Variants in SPATA13 observed in about 807,000 individuals in gnomAD.
The protein encoded by SPATA13 is spermatogenesis-associated protein 13.
In SPATA13, 50 loss-of-function variants were observed where a neutral mutation model predicts 104.0. The ratio of observed to expected loss-of-function variants is 0.48; its 90% CI spans 0.38 to 0.61. The LOEUF (loss-of-function observed/expected upper bound fraction) is 0.61, where lower values mean the gene tolerates loss of function less well. Among genes scored for constraint, SPATA13 ranks in the 20% least tolerant of loss-of-function variants. The probability of loss-of-function intolerance (pLI) is 0.00; values close to 1 mark genes in which losing one functional copy is unlikely to be tolerated. For synonymous variants in SPATA13, 606 were observed against 667.5 expected, an observed-to-expected ratio of 0.91 and a Z score of 1.42; for missense variants, 1,524 against 1,690.6, an observed-to-expected ratio of 0.90 and a Z score of 1.73.
At chr13:24,098,936 A>AG (rs1566102510) in intron 3 of SPATA13, among the ~76,000 whole-genome samples, 1 of 150,832 alleles carries the variant, frequency 6.6e-6, no homozygotes, top group African/African-American at 2.4e-5. Context: ...AAAAAAAAAA[A>AG]AAAAAAGAAA....
At chr13:24,185,492 T>G (rs1477991723) in intron 1 of SPATA13, among the ~76,000 whole-genome samples, 1 of 152,198 alleles carries the variant, frequency 6.6e-6, no homozygotes, top group African/African-American at 2.4e-5. Context: ...ATTAAGGCTT[T>G]TATATCACCT....
At chr13:24,027,967 A>T (rs562205819) in intron 3 of SPATA13, among the ~76,000 whole-genome samples, 1 of 152,286 alleles carries the variant, frequency 6.6e-6, no homozygotes, top group African/African-American at 2.4e-5. Flanking sequence ...CTGTGATGAA[A>T]TTGTTTTTGT....
At chr13:24,008,497 C>T (rs1876329682) in intron 2 of SPATA13, among the ~76,000 whole-genome samples, 1 of 152,050 alleles carries the variant, frequency 6.6e-6, no homozygotes, top group Non-Finnish European at 1.5e-5. Context: ...CACAGCTCTC[C>T]AGGTGGACGG....
Position 24,169,011 on chromosome 13 carries a change from A to G in SPATA13, c.-112+8079A>G, listed in dbSNP as rs116165205. ...TTAGATTTTCTATCAGATTCAATAC[A>G]TTTTACTTTTCTAAAACAAATCTAA... On this transcript the variant is annotated intron_variant, in intron 1 of 12. Coordinates refer to ENST00000382108, the MANE Select transcript of SPATA13 (RefSeq NM_001166271.3). 1.2e-3 allele frequency among the ~76,000 whole-genome samples: 190 copies of G among 152,224 alleles called. 1 individual carries two copies. The highest frequency in any genetic ancestry group is 4.4e-3 in the African/African-American group (184 of 41,532).
In SPATA13 at chr13:24,088,613, C is replaced by T. The variant is rs1433372695; in HGVS notation, c.-112+70912C>T. Among the ~76,000 whole-genome samples, 5 of 152,064 alleles carry T rather than the reference C, an allele frequency of 3.3e-5. No individual in the cohort carries two copies. Among genetic ancestry groups the T allele is most frequent in the African/African-American group, 4.8e-5 (2 of 41,430 alleles). On this transcript the variant is annotated intron_variant, in intron 3 of 14. Coordinates refer to the SPATA13 transcript ENST00000424834. The surrounding 1 kb of genome is among the most constrained non-coding windows in gnomAD (Gnocchi z 4.3). ...GACATAATAAACACATCTCTTTAAC[C>T]TCAATTTTCTCTTTCCCAAAATGGA...
At chr13:24,102,187 G>A (rs1043312203) in intron 3 of SPATA13, among the ~76,000 whole-genome samples, 1 of 152,176 alleles carries the variant, frequency 6.6e-6, no homozygotes, top group Non-Finnish European at 1.5e-5. Context: ...ACAGGTGTGA[G>A]TGTATTTCAT....
intron 3 of SPATA13, among the ~76,000 whole-genome samples, chr13:24,117,435 C>T (rs1880881778): frequency 6.6e-6 from 1 of 152,164 alleles, no homozygotes; most frequent in Non-Finnish European, 1.5e-5. Context: ...ACAGATGATG[C>T]AGTTTGGGTT....
chr13:24,045,113 AT>A (rs1463744001), intron 3 of SPATA13, among the ~76,000 whole-genome samples: 1 of 116,654 alleles, frequency 8.6e-6, no homozygotes, highest in African/African-American at 3.9e-5. Flanking sequence ...CACCCTATGT[AT>A]AATTTATATC....
chr13:24,033,898 A>T (rs1877578565), intron 3 of SPATA13: 2 of 152,282 alleles, frequency 1.3e-5, no homozygotes, highest in African/African-American at 4.8e-5. Context: ...TCATGTATCA[A>T]CAATCATCTT....
intron 3 of SPATA13, among the ~76,000 whole-genome samples, chr13:24,077,929 C>T (rs972561100): frequency 6.6e-6 from 1 of 152,140 alleles, no homozygotes; most frequent in East Asian, 1.9e-4. Context: ...CTCTTGCAGG[C>T]CCTGTCCCAC....
chr13:24,284,395 T>A, intron 5 of SPATA13, 124 bp downstream of exon 5: 2 of 1,088,848 alleles, frequency 1.8e-6, no homozygotes, highest in Non-Finnish European at 2.6e-6. Flanking sequence ...GAACTCTGAT[T>A]AAAACAACAC....
intron 3 of SPATA13, among the ~76,000 whole-genome samples, chr13:24,250,819 A>G (rs1873436756): frequency 6.6e-6 from 1 of 152,226 alleles, no homozygotes; most frequent in African/African-American, 2.4e-5. Context: ...ATGATTCTGT[A>G]CTGAAGCAAA....
chr13:24,029,956 A>G (rs375032623), intron 3 of SPATA13, among the ~76,000 whole-genome samples: 1 of 152,042 alleles, frequency 6.6e-6, no homozygotes, highest in South Asian at 2.1e-4. Flanking sequence ...GACATGATCT[A>G]ATTCTTTTTT....
intron 4 of SPATA13, among the ~76,000 whole-genome samples, chr13:24,264,716 T>A (rs1361127255): frequency 6.6e-6 from 1 of 152,238 alleles, no homozygotes; most frequent in Non-Finnish European, 1.5e-5. Context: ...CCTAAGGATC[T>A]GAAAATAACC....
intron 2 of SPATA13, among the ~76,000 whole-genome samples, chr13:24,238,449 C>G (rs562250281): frequency 6.6e-6 from 1 of 152,048 alleles, no homozygotes; most frequent in Non-Finnish European, 1.5e-5. Flanking sequence ...GAGCCACTGC[C>G]CCCGGCCTCT....
rs1019498923 is a variant in SPATA13, at chr13:24,303,600, G to A, written c.*827G>A. ...AGAAATCACATCTTGCCCACATGCT[G>A]TAACCTAAGAAACTGCTATGCAAGG... On this transcript the variant is annotated 3_prime_UTR_variant, in exon 13 of 13. Transcript: ENST00000382108. 1 of 154,852 alleles carries A rather than the reference G, an allele frequency of 6.5e-6. No homozygotes were observed. Among genetic ancestry groups the A allele is most frequent in the South Asian group, 1.9e-4 (1 of 5,270 alleles). The allele number at this position is 154,852 out of a possible 1,614,324, so 9.6% of individuals were successfully genotyped here. A position where few individuals can be genotyped will look rare whatever the true frequency, so the allele number is the denominator to read the frequency against.
At chr13:24,074,054 G>T (rs1370653327) in intron 3 of SPATA13, among the ~76,000 whole-genome samples, 1 of 152,150 alleles carries the variant, frequency 6.6e-6, no homozygotes, top group Non-Finnish European at 1.5e-5. Flanking sequence ...ATACATTTTC[G>T]ATCTTAATTA....
At position 24,306,875 on chromosome 13, in the gene SPATA13, C is replaced by G. The variant is rs190568382; in HGVS notation, c.*4102C>G. The G allele has an allele frequency of 6.6e-6, 1 of 152,202 alleles. No individual in the cohort carries two copies. Among genetic ancestry groups the G allele is most frequent in the East Asian group, 1.9e-4 (1 of 5,186 alleles). The allele number at this position is 152,202 out of a possible 1,614,324, so 9.4% of individuals were successfully genotyped here. ...AAGATGATGTGTCATCTGTATAGGT[C>G]AAAGAATGGGACTTCTGAACTGAGG... On this transcript the variant is annotated 3_prime_UTR_variant, in exon 13 of 13. Transcript: ENST00000382108.
chr13:24,225,164 C>T (rs1871858774), intron 2 of SPATA13, among the ~76,000 whole-genome samples: 1 of 152,240 alleles, frequency 6.6e-6, no homozygotes, highest in Admixed American at 6.5e-5. Context: ...GCTTGCACTG[C>T]CAGCCCAGAT....
Sources: gnomAD v4.1 joint callset for allele counts (sites outside exome capture counted in the v4.1 genomes callset) on GRCh38, gnomAD v4.1.1 for gene constraint, Gnocchi (gnomAD v3.1) non-coding constraint, MANE v1.5 for transcripts, NCBI Gene and HGNC (gene_info 2026-07-23, HGNC 2026-07-21) for gene names.